ACOXL: variants seen among roughly 807,000 people sequenced by gnomAD.
ACOXL encodes acyl-CoA oxidase like.
In ACOXL, 70 loss-of-function variants were observed where a neutral mutation model predicts 71.9. The ratio of observed to expected loss-of-function variants is 0.97; its 90% CI spans 0.80 to 1.19. The LOEUF is 1.19. ACOXL is among the 50% of genes most tolerant of loss of function. ACOXL has a pLI of 0.00. For missense variants in ACOXL, 703 were observed against 736.3 expected (o/e 0.95, Z 0.52); for synonymous variants, 253 against 281.6 (o/e 0.90, Z 1.02).
At chr2:110,892,336 G>A (rs1419433119) in intron 10 of ACOXL, among the ~76,000 whole-genome samples, 1 of 152,122 alleles carries the variant, frequency 6.6e-6, no homozygotes, top group African/African-American at 2.4e-5. Context: ...AGCTGTATTA[G>A]GTACCATGCA....
intron 11 of ACOXL, among the ~76,000 whole-genome samples, chr2:110,930,420 T>C (rs2060437598): frequency 6.6e-6 from 1 of 152,366 alleles, no homozygotes; most frequent in South Asian, 2.1e-4. Flanking sequence ...TTGCTTTTGA[T>C]TTTACAGGCT....
chr2:110,768,992 T>C (rs1338855209), intron 2 of ACOXL, among the ~76,000 whole-genome samples: 4 of 151,788 alleles, frequency 2.6e-5, no homozygotes, highest in African/African-American at 9.7e-5. Flanking sequence ...GGCCCACACA[T>C]TCACTTCTCC....
chr2:110,838,360 G>A (rs2612696), intron 9 of ACOXL, among the ~76,000 whole-genome samples: 85,439 of 151,992 alleles, frequency 0.56, 24,246 homozygotes, highest in Admixed American at 0.64. Context: ...GTGTGTGTGC[G>A]TGTGTGTGCG....
intron 10 of ACOXL, among the ~76,000 whole-genome samples, chr2:110,903,560 G>T (rs2059329555): frequency 6.6e-6 from 1 of 152,034 alleles, no homozygotes; most frequent in South Asian, 2.1e-4. Context: ...CTTTTTTTTG[G>T]TATTGAAATA....
Position 110,981,626 on chromosome 2 carries a change from A to T in ACOXL, c.1060-5482A>T, listed in dbSNP as rs2062711666. ...GCTGCTATTAGGTGTTGTATATATG[A>T]ATGAACAAATGAATGAAGCTCATTC... On this transcript the variant is annotated intron_variant, in intron 12 of 17. Coordinates refer to ENST00000439055, the MANE Select transcript of ACOXL (RefSeq NM_001142807.4). 2.0e-5 allele frequency among the ~76,000 whole-genome samples: 3 copies of T among 152,250 alleles called. No homozygotes were observed. The South Asian group carries it at 6.2e-4, about 31-fold the overall frequency.
chr2:110,843,670 C>G (rs1691452096), intron 10 of ACOXL, among the ~76,000 whole-genome samples: 1 of 152,202 alleles, frequency 6.6e-6, no homozygotes, highest in Non-Finnish European at 1.5e-5. Context: ...CATGAGCTTG[C>G]CTCTTTAGGC....
chr2:111,046,433 G>C (rs1027121275), intron 15 of ACOXL, among the ~76,000 whole-genome samples: 1 of 152,242 alleles, frequency 6.6e-6, no homozygotes, highest in East Asian at 1.9e-4. Flanking sequence ...ACATACCCAA[G>C]ACTGGGTAAT....
chr2:110,980,457 G>A (rs1472746290), intron 12 of ACOXL, among the ~76,000 whole-genome samples: 1 of 152,148 alleles, frequency 6.6e-6, no homozygotes, highest in African/African-American at 2.4e-5. Flanking sequence ...CCCCAAGAAG[G>A]GAGAAAGGGA....
chr2:111,061,576 A>C (rs897441787), intron 16 of ACOXL, among the ~76,000 whole-genome samples: 3 of 152,180 alleles, frequency 2.0e-5, no homozygotes, highest in South Asian at 2.1e-4. Flanking sequence ...AATTCGGTAA[A>C]CAAAGATGGT....
At chr2:111,083,345 T>C (rs1198546258) in intron 16 of ACOXL, among the ~76,000 whole-genome samples, 3 of 152,174 alleles carry the variant, frequency 2.0e-5, no homozygotes, top group Non-Finnish European at 2.9e-5. Context: ...TAAGCTGTTA[T>C]ATTCATAGTT....
intron 2 of ACOXL, among the ~76,000 whole-genome samples, chr2:110,772,498 C>T (rs1203357492): frequency 6.6e-6 from 1 of 152,176 alleles, no homozygotes; most frequent in East Asian, 1.9e-4. Flanking sequence ...CGCATCTCAA[C>T]ATTACCTTTC....
At chr2:110,737,247 G>C (rs1441570518) in intron 1 of ACOXL, among the ~76,000 whole-genome samples, 2 of 151,736 alleles carry the variant, frequency 1.3e-5, no homozygotes, top group Admixed American at 1.3e-4. Context: ...TCTTTTCCTT[G>C]TGGGCCACTA....
intron 9 of ACOXL, among the ~76,000 whole-genome samples, chr2:110,834,292 A>G (rs191148597): frequency 1.3e-5 from 2 of 152,370 alleles, no homozygotes; most frequent in East Asian, 3.9e-4. Context: ...CAGAATCCAC[A>G]GCCATTGTCA....
At chr2:110,779,230 C>A (rs574375068) in intron 2 of ACOXL, among the ~76,000 whole-genome samples, 1 of 152,308 alleles carries the variant, frequency 6.6e-6, no homozygotes, top group South Asian at 2.1e-4. Flanking sequence ...AAGTACGTGG[C>A]TACAGCCTTT....
intron 9 of ACOXL, among the ~76,000 whole-genome samples, chr2:110,816,193 A>G (rs1376483569): frequency 6.6e-6 from 1 of 151,822 alleles, no homozygotes. Flanking sequence ...AGATGGATGA[A>G]TGGATGGGTA....
chr2:110,770,182 C>G, intron 2 of ACOXL, among the ~76,000 whole-genome samples: 1 of 152,218 alleles, frequency 6.6e-6, no homozygotes, highest in Admixed American at 6.5e-5. Context: ...CCAGCCCTTT[C>G]CCCACCCAGC....
intron 10 of ACOXL, among the ~76,000 whole-genome samples, chr2:110,891,703 T>G (rs1697946005): frequency 6.6e-6 from 1 of 152,116 alleles, no homozygotes; most frequent in African/African-American, 2.4e-5. Flanking sequence ...AGCAATTAAA[T>G]GGAAAGTGCT....
At chr2:110,810,522 A>AT (rs76013720) in intron 9 of ACOXL, among the ~76,000 whole-genome samples, 3,710 of 151,512 alleles carry the variant, frequency 0.024, 71 homozygotes, top group East Asian at 0.054. Context: ...CCCACCACCC[A>AT]TCCATCCACC....
intron 1 of ACOXL, among the ~76,000 whole-genome samples, chr2:110,757,171 A>G (rs893684331): frequency 6.6e-6 from 1 of 152,256 alleles, no homozygotes; most frequent in Non-Finnish European, 1.5e-5. Context: ...CCATTCCTGC[A>G]TTAGATTGCT....
Sources: allele counts gnomAD v4.1 joint callset (sites outside exome capture counted in the v4.1 genomes callset), GRCh38; gene constraint gnomAD v4.1.1; transcripts MANE v1.5; gene names NCBI Gene and HGNC (gene_info 2026-07-23, HGNC 2026-07-21).